The following TOX variants were observed in gnomAD, a reference collection of about 807,000 sequenced individuals.
TOX encodes thymocyte selection-associated high mobility group box protein TOX.
TOX carries 11 observed loss-of-function variants against 53.7 expected under a neutral mutation model. The observed-to-expected ratio is 0.20, with a 90% CI of 0.13 to 0.34. The LOEUF is 0.34. Among genes scored for constraint, TOX ranks in the 10% least tolerant of loss-of-function variants. The pLI, the probability that TOX is intolerant of heterozygous loss-of-function variation, is 1.00. For missense variants in TOX, 570 were observed against 664.6 expected (o/e 0.86, Z 1.56); for synonymous variants, 225 against 245.3 (o/e 0.92, Z 0.77).
intron 7 of TOX, among the ~76,000 whole-genome samples, chr8:58,808,826 T>G (rs1006830437): frequency 6.6e-6 from 1 of 152,226 alleles, no homozygotes; most frequent in African/African-American, 2.4e-5. Flanking sequence ...CAACCAAAGC[T>G]TTTTAACAGT....
intron 3 of TOX, among the ~76,000 whole-genome samples, chr8:58,926,708 G>A (rs192890448): frequency 2.0e-5 from 3 of 152,042 alleles, no homozygotes; most frequent in East Asian, 1.9e-4. Context: ...TTATACTGTC[G>A]ATGGAGAGAA....
intron 2 of TOX, among the ~76,000 whole-genome samples, chr8:58,959,031 T>C (rs556632045): frequency 1.3e-5 from 2 of 152,342 alleles, no homozygotes; most frequent in Non-Finnish European, 2.9e-5. Flanking sequence ...TATGTAGGCA[T>C]TGAACATTAC....
intron 3 of TOX, among the ~76,000 whole-genome samples, chr8:58,873,957 G>GATTTTTTTTTTTT (rs1585873069): frequency 2.3e-5 from 1 of 43,992 alleles, no homozygotes; most frequent in African/African-American, 3.1e-4. Context: ...ATGCCAGGAA[G>GATTTTTTTTTTTT]CTTTTTTTTT....
At chr8:58,836,779 C>A (rs1361671856) in intron 5 of TOX, among the ~76,000 whole-genome samples, 4 of 152,310 alleles carry the variant, frequency 2.6e-5, no homozygotes, top group African/African-American at 9.6e-5. Flanking sequence ...AAGTTTTATT[C>A]ATGGTAATTC....
chr8:58,893,251 G>A (rs1426262674), intron 3 of TOX, among the ~76,000 whole-genome samples: 1 of 152,048 alleles, frequency 6.6e-6, no homozygotes, highest in African/African-American at 2.4e-5. Flanking sequence ...CTGTAATTCT[G>A]GGGAAAAATG....
intron 1 of TOX, among the ~76,000 whole-genome samples, chr8:59,093,180 A>G (rs918184518): frequency 1.3e-5 from 2 of 151,926 alleles, no homozygotes; most frequent in African/African-American, 2.4e-5. Flanking sequence ...TTCCTATAGT[A>G]GGCTCTGAGG....
At chr8:59,015,816 T>C (rs1039102015) in intron 1 of TOX, among the ~76,000 whole-genome samples, 5 of 152,224 alleles carry the variant, frequency 3.3e-5, no homozygotes, top group Non-Finnish European at 7.4e-5. Context: ...AATGTGCTCA[T>C]AGAAGTACCA....
rs957955843 is a variant in TOX at position 59,053,762 on chromosome 8, G to A, written c.102+65124C>T. Among the ~76,000 whole-genome samples, 14 of 152,108 alleles carry A rather than the reference G, an allele frequency of 9.2e-5. No homozygotes were observed. In the East Asian group the frequency reaches 9.6e-4, roughly 10 times the overall value. ...ATTGGCCTTGAGATACTCAAATGTC[G>A]AATCTATTTCCATTTAAAAGGGAAA... On this transcript the variant is annotated intron_variant, in intron 1 of 8. Coordinates refer to ENST00000361421, the MANE Select transcript of TOX (RefSeq NM_014729.3).
intron 3 of TOX, among the ~76,000 whole-genome samples, chr8:58,894,769 G>A (rs527604786): frequency 1.2e-4 from 18 of 152,196 alleles, no homozygotes; most frequent in South Asian, 8.3e-4. Context: ...GGTGGCTGGC[G>A]CCTGTAATCC....
At chr8:58,960,743 A>T (rs985102014) in intron 1 of TOX, among the ~76,000 whole-genome samples, 1 of 152,246 alleles carries the variant, frequency 6.6e-6, no homozygotes, top group Admixed American at 6.5e-5. Flanking sequence ...AGAACTCTCA[A>T]ATAGTTCAAG....
intron 1 of TOX, among the ~76,000 whole-genome samples, chr8:59,079,613 C>T (rs1290486622): frequency 6.6e-6 from 1 of 152,178 alleles, no homozygotes; most frequent in African/African-American, 2.4e-5. Flanking sequence ...GGCTTGGTAC[C>T]CTCCACCTAG....
chr8:58,988,630 TA>T (rs1813382629), intron 1 of TOX, among the ~76,000 whole-genome samples: 1 of 152,184 alleles, frequency 6.6e-6, no homozygotes, highest in Non-Finnish European at 1.5e-5. Flanking sequence ...GTTATTCTGA[TA>T]AAATGGGCTC....
At chr8:58,984,539 T>G (rs1813286407) in intron 1 of TOX, among the ~76,000 whole-genome samples, 1 of 152,014 alleles carries the variant, frequency 6.6e-6, no homozygotes, top group South Asian at 2.1e-4. Context: ...ACGCCCGTAA[T>G]CCCAGCACTT....
At chr8:58,828,130 G>A (rs1362739009) in intron 5 of TOX, among the ~76,000 whole-genome samples, 1 of 152,170 alleles carries the variant, frequency 6.6e-6, no homozygotes, top group Non-Finnish European at 1.5e-5. Flanking sequence ...GGCAGCAGGG[G>A]TCAATTTATG....
intron 1 of TOX, among the ~76,000 whole-genome samples, chr8:59,046,345 T>A (rs1487391338): frequency 1.3e-5 from 2 of 152,146 alleles, no homozygotes; most frequent in Non-Finnish European, 2.9e-5. Context: ...GATTTAAAAA[T>A]CCCTGTTATT....
chr8:59,067,315 A>C (rs1461939778), intron 1 of TOX, among the ~76,000 whole-genome samples: 3 of 152,186 alleles, frequency 2.0e-5, no homozygotes, highest in Non-Finnish European at 4.4e-5. Context: ...GCACTTTGGG[A>C]GGTCGAGGAG....
chr8:59,003,856 G>A (rs1186193834), intron 1 of TOX, among the ~76,000 whole-genome samples: 2 of 152,150 alleles, frequency 1.3e-5, no homozygotes, highest in African/African-American at 4.8e-5. Flanking sequence ...TGGTCAGCTC[G>A]CTAGAAGCTT....
chr8:59,008,679 CT>C (rs1026002525), intron 1 of TOX, among the ~76,000 whole-genome samples: 3 of 152,186 alleles, frequency 2.0e-5, no homozygotes, highest in African/African-American at 7.2e-5. Flanking sequence ...GGCGGTGACA[CT>C]TTTCCCCGAG....
chr8:58,841,577 G>A (rs1475938312), intron 4 of TOX, among the ~76,000 whole-genome samples: 1 of 152,098 alleles, frequency 6.6e-6, no homozygotes, highest in South Asian at 2.1e-4. Context: ...ATAAGTTCTG[G>A]GGATCTAACA....
Sources: gnomAD v4.1 joint callset for allele counts (sites outside exome capture counted in the v4.1 genomes callset) on GRCh38, gnomAD v4.1.1 for gene constraint, MANE v1.5 for transcripts, NCBI Gene and HGNC (gene_info 2026-07-23, HGNC 2026-07-21) for gene names.